ANKRD17: variants seen among roughly 807,000 people sequenced by gnomAD.
ANKRD17 encodes the protein ankyrin repeat domain 17, also known as ankyrin repeat domain-containing protein 17.
A neutral mutation model predicts 229.7 loss-of-function variants in ANKRD17; 19 were observed. The ratio of observed to expected loss-of-function variants is 0.08; its 90% CI spans 0.06 to 0.12. The LOEUF is 0.12. Among genes scored for constraint, ANKRD17 ranks in the 10% least tolerant of loss-of-function variants. The pLI is 1.00. For synonymous variants in ANKRD17, 1,112 were observed against 1,146.1 expected (o/e 0.97, Z 0.60); for missense variants, 2,176 against 3,176.8 (o/e 0.68, Z 7.57).
intron 2 of ANKRD17, among the ~76,000 whole-genome samples, chr4:73,174,913 A>T (rs922538320): frequency 1.3e-5 from 2 of 152,208 alleles, no homozygotes; most frequent in Non-Finnish European, 2.9e-5. Context: ...CTGTTGCAAA[A>T]AATTGAAGAC....
chr4:73,102,560 A>G lies in ANKRD17; in HGVS notation c.4402-13T>C, dbSNP rs114391123. 2,626 of 1,585,374 alleles carry G rather than the reference A, an allele frequency of 1.7e-3. 23 individuals carry two copies. The African/African-American group carries it at 0.019, about 12-fold the overall frequency. On this transcript the variant is annotated splice_polypyrimidine_tract_variant and intron_variant, in intron 24 of 33. Coordinates refer to ENST00000358602, the MANE Select transcript of ANKRD17 (RefSeq NM_032217.5). ...TTTCTTCCCTTAACTGTTAAAGATCAATAAAGCAGAAATATAACGTTGAAA... is the reference window on the plus strand; with the variant it reads ...TTTCTTCCCTTAACTGTTAAAGATCGATAAAGCAGAAATATAACGTTGAAA...
chr4:73,151,713 A>C (rs1731020589), intron 6 of ANKRD17, among the ~76,000 whole-genome samples, 189 bp from the exon 7 acceptor site: 1 of 152,132 alleles, frequency 6.6e-6, no homozygotes, highest in South Asian at 2.1e-4. Context: ...TCTACCCCTT[A>C]CCCTACTGCC....
At chr4:73,093,812 A>C (rs1723026687) in intron 28 of ANKRD17, among the ~76,000 whole-genome samples, 1 of 152,240 alleles carries the variant, frequency 6.6e-6, no homozygotes, top group Non-Finnish European at 1.5e-5. Flanking sequence ...AATGTCATAT[A>C]AACAGTTTAT....
At chr4:73,093,106 A>C (rs1722941191) in intron 28 of ANKRD17, among the ~76,000 whole-genome samples, 1 of 152,188 alleles carries the variant, frequency 6.6e-6, no homozygotes, top group South Asian at 2.1e-4. Flanking sequence ...TTGCTTTCTT[A>C]TTTTTGAGGT....
intron 2 of ANKRD17, 134 bp from the exon 3 acceptor site, chr4:73,161,482 C>T (rs1469553060): frequency 1.2e-6 from 1 of 842,636 alleles, no homozygotes; most frequent in African/African-American, 1.7e-5. Flanking sequence ...ATATTGGCTG[C>T]CCAGCATCTT....
intron 29 of ANKRD17, among the ~76,000 whole-genome samples, chr4:73,089,977 T>A (rs1301985516): frequency 6.6e-6 from 1 of 152,202 alleles, no homozygotes; most frequent in Admixed American, 6.5e-5. Flanking sequence ...GCTCTATTTT[T>A]AAAATTATTT....
chr4:73,204,817 C>T (rs1739232828), intron 1 of ANKRD17, among the ~76,000 whole-genome samples: 1 of 151,936 alleles, frequency 6.6e-6, no homozygotes, highest in Non-Finnish European at 1.5e-5. Flanking sequence ...TATTAGCTAA[C>T]ACATATATAT....
At chr4:73,236,023 C>T (rs1457331709) in intron 1 of ANKRD17, among the ~76,000 whole-genome samples, 1 of 151,636 alleles carries the variant, frequency 6.6e-6, no homozygotes, top group African/African-American at 2.4e-5. Context: ...AATTTTCTAG[C>T]AAATTATTAT....
intron 7 of ANKRD17, among the ~76,000 whole-genome samples, chr4:73,150,995 A>T (rs1730930421): frequency 6.6e-6 from 1 of 152,188 alleles, no homozygotes; most frequent in Admixed American, 6.5e-5. Flanking sequence ...AATAATGTAC[A>T]TACTCTGAAT....
At chr4:73,116,689 G>A (rs1176405154) in intron 22 of ANKRD17, among the ~76,000 whole-genome samples, 4 of 152,006 alleles carry the variant, frequency 2.6e-5, no homozygotes, top group Non-Finnish European at 2.9e-5. Context: ...CTTCTACAGT[G>A]TTTAAACTAT....
At chr4:73,112,281 A>G (rs1725413257) in intron 24 of ANKRD17, among the ~76,000 whole-genome samples, 1 of 152,222 alleles carries the variant, frequency 6.6e-6, no homozygotes, top group Admixed American at 6.5e-5. Flanking sequence ...TTCACAGTTT[A>G]AACTGAGCAC....
intron 1 of ANKRD17, among the ~76,000 whole-genome samples, chr4:73,230,744 G>A (rs745918590): frequency 8.5e-5 from 13 of 152,130 alleles, no homozygotes; most frequent in Non-Finnish European, 1.5e-4. Context: ...TTGTCCCAAC[G>A]TAAGTAATGT....
At chr4:73,146,050 C>A (rs1301766458) in intron 10 of ANKRD17, among the ~76,000 whole-genome samples, 1 of 151,876 alleles carries the variant, frequency 6.6e-6, no homozygotes, top group Admixed American at 6.6e-5. Context: ...TTCCTTTTAC[C>A]CCGCAGGCTA....
intron 6 of ANKRD17, among the ~76,000 whole-genome samples, chr4:73,153,233 TG>T (rs1353119405): frequency 6.6e-6 from 1 of 152,136 alleles, no homozygotes; most frequent in Non-Finnish European, 1.5e-5. Context: ...GTAAATAATA[TG>T]GGACAACTAT....
At chr4:73,111,057 T>C (rs1725255795) in intron 24 of ANKRD17, among the ~76,000 whole-genome samples, 2 of 152,158 alleles carry the variant, frequency 1.3e-5, no homozygotes, top group South Asian at 2.1e-4. Flanking sequence ...ATCTACTAAA[T>C]TAAAAATACA....
chr4:73,091,467 C>A lies in ANKRD17; in HGVS notation c.6161G>T (p.Gly2054Val). ...ATCCAAAGGGCTGTTTCTAGAAACCCCTCCTGGCTGGGCTGGTGGTGATGG... is the reference window on the plus strand; with the variant it reads ...ATCCAAAGGGCTGTTTCTAGAAACCACTCCTGGCTGGGCTGGTGGTGATGG... The part of the protein sequence containing the change: ...SSPSPPAQPG[G>V]VSRNSPLDCG... The change falls in exon 29 of 34, where the codon GGG (glycine) becomes GTG (valine). Residue 2054 changes from glycine to valine, a missense_variant. Coordinates refer to ENST00000358602, the MANE Select transcript of ANKRD17 (RefSeq NM_032217.5). The A allele has an allele frequency of 6.2e-7, 1 of 1,614,038 alleles. No homozygotes were observed.
chr4:73,167,410 T>C (rs1183963288), intron 2 of ANKRD17, among the ~76,000 whole-genome samples: 9 of 152,164 alleles, frequency 5.9e-5, no homozygotes, highest in African/African-American at 2.2e-4. Flanking sequence ...ATGAAGCAAC[T>C]ATTTGCATCG....
intron 25 of ANKRD17, among the ~76,000 whole-genome samples, chr4:73,099,982 C>A (rs553082311): frequency 6.6e-6 from 1 of 152,262 alleles, no homozygotes; most frequent in South Asian, 2.1e-4. Flanking sequence ...AGCCATTTCC[C>A]CCTCCTCAGA....
chr4:73,085,165 T>C, intron 30 of ANKRD17, 84 bp downstream of exon 30: 3 of 1,408,450 alleles, frequency 2.1e-6, no homozygotes, highest in African/African-American at 1.4e-5. Flanking sequence ...TTTTATGGTA[T>C]TAAAATTATG....
Sources: gnomAD v4.1 joint callset for allele counts (sites outside exome capture counted in the v4.1 genomes callset) on GRCh38, gnomAD v4.1.1 for gene constraint, MANE v1.5 for transcripts, NCBI Gene and HGNC (gene_info 2026-07-23, HGNC 2026-07-21) for gene names.